The following COPZ2 variants were observed in gnomAD, a reference collection of about 807,000 sequenced individuals.
The protein encoded by COPZ2 is coat protein complex I subunit zeta 2.
COPZ2 carries 30 observed loss-of-function variants against 33.2 expected under a neutral mutation model. The ratio of observed to expected loss-of-function variants is 0.90; its 90% CI spans 0.68 to 1.23. COPZ2 has a LOEUF of 1.23. Among genes scored for constraint, COPZ2 ranks in the 50% most tolerant of loss-of-function variants. COPZ2 has a pLI of 0.00. For missense variants in COPZ2, 263 were observed against 262.4 expected (o/e 1.00, Z -0.02); for synonymous variants, 89 against 102.6 (o/e 0.87, Z 0.80).
chr17:48,047,582 T>C, the COPZ2 span: 1 of 152,138 alleles, frequency 6.6e-6, no homozygotes, highest in African/African-American at 2.4e-5. Flanking sequence ...GGGGGGTCCT[T>C]TGGGCTGTTT....
At chr17:48,029,025 A>T in intron 7 of COPZ2, 100 bp downstream of exon 7, 3 of 1,121,976 alleles carry the variant, frequency 2.7e-6, no homozygotes, top group Non-Finnish European at 3.9e-6. Flanking sequence ...GGCTTCTGCT[A>T]GAGGAGCTTG....
upstream of COPZ2, among the ~76,000 whole-genome samples, chr17:48,039,116 T>C (rs1398891255): frequency 2.0e-5 from 3 of 152,112 alleles, no homozygotes; most frequent in Non-Finnish European, 4.4e-5. Context: ...CTGGGACCAC[T>C]GGTGCATGCA....
chr17:48,038,505 G>A (rs2037026914), upstream of COPZ2, among the ~76,000 whole-genome samples: 1 of 152,188 alleles, frequency 6.6e-6, no homozygotes, highest in African/African-American at 2.4e-5. Flanking sequence ...TCACATCCCA[G>A]TGATATGTTA....
chr17:48,026,664 G>A (rs1359543373), intron 8 of COPZ2, among the ~76,000 whole-genome samples, 189 bp from the exon 9 acceptor site: 1 of 152,170 alleles, frequency 6.6e-6, no homozygotes, highest in African/African-American at 2.4e-5. Flanking sequence ...AGACCAAACC[G>A]GCTGCAGCCA....
In COPZ2 at chr17:48,032,164, C is replaced by T; in HGVS notation, c.486G>A (p.Val162=). The change falls in exon 6 of 9, where the codon GTG becomes GTA. Residue 162 remains valine (V), a synonymous_variant. Coordinates refer to ENST00000621465, the MANE Select transcript of COPZ2 (RefSeq NM_016429.4). ...DGAFLVLDEI[V]DGGVILESDP... is the part of the protein sequence containing the mutation. ...GACTGTCCCCTCCTCACCCGCCATCCACAATCTCGTCCAGCACCAAGAAGG... is the reference window on the plus strand; with the variant it reads ...GACTGTCCCCTCCTCACCCGCCATCTACAATCTCGTCCAGCACCAAGAAGG... The T allele has an allele frequency of 6.2e-7, 1 of 1,613,282 alleles. No homozygotes were observed. Among genetic ancestry groups the T allele is most frequent in the Non-Finnish European group, 8.5e-7 (1 of 1,179,602 alleles).
At chr17:48,032,328 C>T in intron 5 of COPZ2, 95 bp from the exon 6 acceptor site, 2 of 1,013,370 alleles carry the variant, frequency 2.0e-6, no homozygotes, top group Middle Eastern at 2.0e-4. Flanking sequence ...AAGACTGCCT[C>T]ATTCACCCCT....
At chr17:48,031,987 G>T in intron 6 of COPZ2, 169 bp downstream of exon 6, 1 of 628,290 alleles carries the variant, frequency 1.6e-6, no homozygotes, top group Non-Finnish European at 2.9e-6. Context: ...CTATCTTCAT[G>T]AGTGGGGCGC....
the COPZ2 span, chr17:48,047,927 G>A: frequency 3.0e-4 from 46 of 152,282 alleles, no homozygotes; most frequent in Admixed American, 2.9e-3. Context: ...CCCTCAAGGC[G>A]AGGGTGTTCC....
chr17:48,041,987 G>C (rs1338591644), upstream of COPZ2, among the ~76,000 whole-genome samples: 3 of 152,052 alleles, frequency 2.0e-5, no homozygotes, highest in African/African-American at 7.2e-5. Context: ...GGGAGGTGGG[G>C]AAGGAGTCAG....
chr17:48,033,450 C>A, intron 3 of COPZ2, 148 bp from the exon 4 acceptor site: 1 of 633,254 alleles, frequency 1.6e-6, no homozygotes, highest in Non-Finnish European at 2.9e-6. Context: ...ACACTACCAT[C>A]AGGCAGCCCC....
At position 48,037,218 on chromosome 17, in the gene COPZ2, T is replaced by G; in HGVS notation, c.112-293A>C. 1.6e-6 allele frequency: 1 copy of G among 641,134 alleles called. No homozygotes were observed. Among genetic ancestry groups the G allele is most frequent in the Non-Finnish European group, 3.0e-6 (1 of 336,390 alleles). The allele number at this position is 641,134 out of a possible 1,614,324, so 39.7% of individuals were successfully genotyped here. A position where few individuals can be genotyped will look rare whatever the true frequency, so the allele number is the denominator to read the frequency against. ...GACTGCTCCAGAGCCCGAGTCGGAG[T>G]GTATCACAGAACCTGGGCCGGGGGG... On this transcript the variant is annotated intron_variant, in intron 1 of 8. Coordinates refer to ENST00000621465, the MANE Select transcript of COPZ2 (RefSeq NM_016429.4). The surrounding 1 kb of genome is among the most constrained non-coding windows in gnomAD (Gnocchi z 5.6).
intron 5 of COPZ2, 54 bp downstream of exon 5, chr17:48,032,632 T>G: frequency 3.7e-6 from 5 of 1,358,074 alleles, no homozygotes; most frequent in Non-Finnish European, 5.2e-6. Context: ...AAGGGTCCTG[T>G]GACATATCAG....
intron 3 of COPZ2, 42 bp from the exon 4 acceptor site, chr17:48,033,344 G>A: frequency 8.5e-7 from 1 of 1,182,894 alleles, no homozygotes; most frequent in Admixed American, 1.8e-5. Flanking sequence ...ACCTTGCCTG[G>A]TCCTAGCCTA....
At chr17:48,043,010 G>A (rs1261900688), upstream of COPZ2, among the ~76,000 whole-genome samples, 1 of 152,220 alleles carries the variant, frequency 6.6e-6, no homozygotes, top group Non-Finnish European at 1.5e-5. Context: ...ACAGAGCATG[G>A]CCCTAAGAGG....
chr17:48,031,129 T>C (rs2036888213), intron 6 of COPZ2, among the ~76,000 whole-genome samples: 1 of 152,112 alleles, frequency 6.6e-6, no homozygotes, highest in African/African-American at 2.4e-5. Context: ...GATGTAATGA[T>C]AGAGGGATGT....
intron 3 of COPZ2, 115 bp from the exon 4 acceptor site, chr17:48,033,417 C>G: frequency 4.3e-6 from 3 of 696,330 alleles, no homozygotes; most frequent in South Asian, 1.6e-5. Flanking sequence ...TCTGGAGAAC[C>G]CTTGGAAAGA....
At chr17:48,039,156 AT>A (rs1010795991), upstream of COPZ2, among the ~76,000 whole-genome samples, 4 of 151,258 alleles carry the variant, frequency 2.6e-5, no homozygotes, top group Admixed American at 2.0e-4. Context: ...TTATTTTTTT[AT>A]TTTTTTTATT....
the COPZ2 span, chr17:48,043,416 G>A: frequency 1.9e-5 from 12 of 626,218 alleles, no homozygotes; most frequent in East Asian, 1.5e-3. Flanking sequence ...GTGACGAGAA[G>A]AAACAGCTCC....
At chr17:48,040,627 T>C (rs925699234), upstream of COPZ2, among the ~76,000 whole-genome samples, 3 of 150,902 alleles carry the variant, frequency 2.0e-5, no homozygotes, top group Non-Finnish European at 4.4e-5. Context: ...GAGACAGGGT[T>C]TCACCATGTT....
Sources: allele counts gnomAD v4.1 joint callset (sites outside exome capture counted in the v4.1 genomes callset), GRCh38; gene constraint gnomAD v4.1.1; non-coding constraint Gnocchi (gnomAD v3.1); transcripts MANE v1.5; gene names NCBI Gene and HGNC (gene_info 2026-07-23, HGNC 2026-07-21).